SWAP70: variants seen among roughly 807,000 people sequenced by gnomAD.
The protein encoded by SWAP70 is switch-associated protein 70.
Under a neutral mutation model 80.2 loss-of-function variants are expected in SWAP70, and 34 were observed. That is an observed-to-expected ratio of 0.42 (90% CI 0.32 to 0.56). The LOEUF is 0.56. Among genes scored for constraint, SWAP70 ranks in the 20% least tolerant of loss-of-function variants. The probability of loss-of-function intolerance (pLI) is 0.09; values close to 1 mark genes in which losing one functional copy is unlikely to be tolerated. For synonymous variants in SWAP70, 239 were observed against 238.5 expected (o/e 1.00, Z -0.02); for missense variants, 578 against 690.7 (o/e 0.84, Z 1.83).
chr11:9,693,700 C>T (rs2050552260), intron 1 of SWAP70, among the ~76,000 whole-genome samples: 1 of 152,148 alleles, frequency 6.6e-6, no homozygotes, highest in Non-Finnish European at 1.5e-5. Flanking sequence ...GGTCAGCCTC[C>T]TTGTCCAGAA....
At chr11:9,700,875 G>A (rs1850821955) in intron 2 of SWAP70, among the ~76,000 whole-genome samples, 1 of 152,060 alleles carries the variant, frequency 6.6e-6, no homozygotes, top group Admixed American at 6.6e-5. Flanking sequence ...GTTTTAAGGT[G>A]ATTCTCTTGT....
chr11:9,686,485 C>G (rs1413542751), intron 1 of SWAP70, among the ~76,000 whole-genome samples: 1 of 151,882 alleles, frequency 6.6e-6, no homozygotes, highest in Non-Finnish European at 1.5e-5. Context: ...CTTAGCCTCC[C>G]TAGTAGCTGG....
intron 1 of SWAP70, among the ~76,000 whole-genome samples, chr11:9,673,521 A>G (rs1382694429): frequency 6.6e-6 from 1 of 152,170 alleles, no homozygotes; most frequent in Non-Finnish European, 1.5e-5. Flanking sequence ...TTGGATAGTC[A>G]TGATTAAAGT....
At position 9,752,401 on chromosome 11, in the gene SWAP70, T is replaced by C. The variant is rs560514382; in HGVS notation, c.*2431T>C. 6.6e-6 allele frequency: 1 copy of C among 152,374 alleles called. No homozygotes were observed. Among genetic ancestry groups the C allele is most frequent in the East Asian group, 1.9e-4 (1 of 5,192 alleles). The allele number at this position is 152,374 out of a possible 1,614,324, so 9.4% of individuals were successfully genotyped here. A position where few individuals can be genotyped will look rare whatever the true frequency, so the allele number is the denominator to read the frequency against. ...CTTGATACGACTAAGCGGTTACATA[T>C]GTGGTTGTGCAAAAGCTTTCTGTTT... On this transcript the variant is annotated 3_prime_UTR_variant, in exon 12 of 12. Coordinates refer to ENST00000318950, the MANE Select transcript of SWAP70 (RefSeq NM_015055.4).
At chr11:9,745,695 G>C (rs530379850) in intron 9 of SWAP70, among the ~76,000 whole-genome samples, 1 of 152,092 alleles carries the variant, frequency 6.6e-6, no homozygotes, top group Admixed American at 6.5e-5. Context: ...GTGCATTATC[G>C]CATTTAATAC....
chr11:9,723,812 G>C (rs1217781142), intron 3 of SWAP70, among the ~76,000 whole-genome samples: 1 of 116,694 alleles, frequency 8.6e-6, no homozygotes, highest in Non-Finnish European at 1.7e-5. Flanking sequence ...TCTTGCTCTT[G>C]CCCAGGCTGG....
At chr11:9,736,982 G>C (rs1564833544) in intron 7 of SWAP70, among the ~76,000 whole-genome samples, 1 of 152,202 alleles carries the variant, frequency 6.6e-6, no homozygotes, top group African/African-American at 2.4e-5. Flanking sequence ...GACAGGGTGG[G>C]AGGATCACTT....
intron 1 of SWAP70, among the ~76,000 whole-genome samples, chr11:9,675,222 G>A (rs538850871): frequency 2.8e-4 from 43 of 152,074 alleles, no homozygotes; most frequent in African/African-American, 8.7e-4. Context: ...AGGAGATGGA[G>A]GCTGGAGTGA....
At chr11:9,712,063 G>C (rs1301796264) in intron 2 of SWAP70, among the ~76,000 whole-genome samples, 1 of 152,078 alleles carries the variant, frequency 6.6e-6, no homozygotes. Context: ...ACTCAGCTCT[G>C]TTGTCCTGTC....
At chr11:9,666,844 C>G (rs1211006410) in intron 1 of SWAP70, among the ~76,000 whole-genome samples, 6 of 151,748 alleles carry the variant, frequency 4.0e-5, no homozygotes, top group African/African-American at 1.5e-4. Flanking sequence ...CCTGCCTCAG[C>G]CTTCTGAGTA....
intron 1 of SWAP70, among the ~76,000 whole-genome samples, chr11:9,682,851 G>A (rs1303664734): frequency 6.6e-6 from 1 of 152,022 alleles, no homozygotes; most frequent in African/African-American, 2.4e-5. Flanking sequence ...TAATTTTTAT[G>A]TTTTTAGTAG....
At chr11:9,713,053 A>G (rs1308899007) in intron 2 of SWAP70, among the ~76,000 whole-genome samples, 1 of 152,200 alleles carries the variant, frequency 6.6e-6, no homozygotes, top group Non-Finnish European at 1.5e-5. Flanking sequence ...ATACTGAGTA[A>G]TTGACATTCT....
chr11:9,725,817 G>A, intron 4 of SWAP70, among the ~76,000 whole-genome samples: 1 of 151,940 alleles, frequency 6.6e-6, no homozygotes, highest in East Asian at 1.9e-4. Flanking sequence ...TGATCCACCA[G>A]CCTTGGCCTC....
intron 2 of SWAP70, among the ~76,000 whole-genome samples, chr11:9,700,881 CTT>C (rs781008148): frequency 2.2e-4 from 34 of 152,074 alleles, no homozygotes; most frequent in Non-Finnish European, 2.9e-4. Flanking sequence ...AGGTGATTCT[CTT>C]GTCTTAATTA....
intron 1 of SWAP70, among the ~76,000 whole-genome samples, chr11:9,691,899 T>A (rs531277584): frequency 1.3e-5 from 2 of 152,308 alleles, no homozygotes; most frequent in African/African-American, 2.4e-5. Flanking sequence ...ATTAATCAGC[T>A]ACTTTTATCA....
In SWAP70 at chr11:9,714,788, T is replaced by C. The variant is rs566185283; in HGVS notation, c.414+1149T>C. Among the ~76,000 whole-genome samples, 12 of 149,550 alleles carry C rather than the reference T, an allele frequency of 8.0e-5. No individual in the cohort carries two copies. The East Asian group carries it at 2.4e-3, about 29-fold the overall frequency. On this transcript the variant is annotated intron_variant, in intron 3 of 11. Transcript: ENST00000318950. ...CTTACTTAGAAACAGCCACACTGGCTGATTCAAGCCAAAAGGGGATTTTTT... is the reference window on the plus strand; with the variant it reads ...CTTACTTAGAAACAGCCACACTGGCCGATTCAAGCCAAAAGGGGATTTTTT...
intron 5 of SWAP70, among the ~76,000 whole-genome samples, chr11:9,729,127 G>GT (rs1346958656): frequency 6.7e-6 from 1 of 150,156 alleles, no homozygotes; most frequent in Non-Finnish European, 1.5e-5. Flanking sequence ...ATCCTATCAG[G>GT]TGTTTATAGT....
intron 4 of SWAP70, among the ~76,000 whole-genome samples, chr11:9,725,770 C>G (rs1263561350): frequency 6.6e-6 from 1 of 151,698 alleles, no homozygotes; most frequent in African/African-American, 2.4e-5. Flanking sequence ...TGGGATTTCA[C>G]CAGGTTGGCC....
At chr11:9,707,309 C>T (rs1302233325) in intron 2 of SWAP70, among the ~76,000 whole-genome samples, 4 of 151,984 alleles carry the variant, frequency 2.6e-5, no homozygotes, top group Non-Finnish European at 4.4e-5. Context: ...TGAACAACAC[C>T]TCTTTTCCTT....
Sources: gnomAD v4.1 joint callset for allele counts (sites outside exome capture counted in the v4.1 genomes callset) on GRCh38, gnomAD v4.1.1 for gene constraint, MANE v1.5 for transcripts, NCBI Gene and HGNC (gene_info 2026-07-23, HGNC 2026-07-21) for gene names.